VAV2: variants seen among roughly 807,000 people sequenced by gnomAD.
The protein encoded by VAV2 is guanine nucleotide exchange factor VAV2.
A neutral mutation model predicts 132.5 loss-of-function variants in VAV2; 67 were observed. The observed-to-expected ratio is 0.51, with a 90% CI of 0.42 to 0.62. The LOEUF is 0.62. Among genes scored for constraint, VAV2 ranks in the 20% least tolerant of loss-of-function variants. The pLI, the probability that VAV2 is intolerant of heterozygous loss-of-function variation, is 0.00. For synonymous variants in VAV2, 492 were observed against 443.5 expected (o/e 1.11, Z -1.37); for missense variants, 938 against 1,153.6 (o/e 0.81, Z 2.71).
At chr9:133,809,457 T>G (rs1220372223) in intron 6 of VAV2, among the ~76,000 whole-genome samples, 1 of 152,186 alleles carries the variant, frequency 6.6e-6, no homozygotes, top group Non-Finnish European at 1.5e-5. Context: ...TTCACCAGAC[T>G]GGGGTGAGGG....
At position 133,905,064 on chromosome 9, in the gene VAV2, G is replaced by GA. The variant is rs3837291; in HGVS notation, c.321+34038_321+34039insT. ...ACGTGGAGGCTTCTCCCAGGGCGGGGGGCTCTGAGCAGCTGCCCTGTGCAA... is the reference window on the plus strand; with the variant it reads ...ACGTGGAGGCTTCTCCCAGGGCGGGGAGGCTCTGAGCAGCTGCCCTGTGCAA... On this transcript the variant is annotated intron_variant, in intron 2 of 29. Coordinates refer to ENST00000371850, the MANE Select transcript of VAV2 (RefSeq NM_001134398.2). 1.1e-3 allele frequency among the ~76,000 whole-genome samples: 161 copies of GA among 152,214 alleles called. 3 individuals carry two copies. In the East Asian group the frequency reaches 0.029, roughly 27 times the overall value.
intron 2 of VAV2, among the ~76,000 whole-genome samples, chr9:133,892,821 G>T (rs781083683): frequency 3.3e-5 from 5 of 152,192 alleles, no homozygotes; most frequent in African/African-American, 1.2e-4. Flanking sequence ...GACGAGAAAA[G>T]CGGACCTGGC....
At chr9:133,985,821 T>C (rs1842841948) in intron 1 of VAV2, among the ~76,000 whole-genome samples, 1 of 152,146 alleles carries the variant, frequency 6.6e-6, no homozygotes, top group Non-Finnish European at 1.5e-5. Context: ...CAGTTCCCAC[T>C]GGTCAAACCT....
chr9:133,947,230 C>T (rs1470811694), intron 1 of VAV2, among the ~76,000 whole-genome samples: 1 of 152,172 alleles, frequency 6.6e-6, no homozygotes. Context: ...GGTCTGGCCT[C>T]GACCCCTTAT....
chr9:133,785,957 T>C, intron 16 of VAV2, 72 bp from the exon 17 acceptor site: 1 of 1,366,836 alleles, frequency 7.3e-7, no homozygotes, highest in Non-Finnish European at 1.0e-6. Context: ...CCACGTGTAC[T>C]CTCGCCTGTG....
intron 3 of VAV2, among the ~76,000 whole-genome samples, chr9:133,853,053 T>G (rs1315052118): frequency 6.6e-6 from 1 of 152,066 alleles, no homozygotes; most frequent in Non-Finnish European, 1.5e-5. Context: ...ATCCCAGGTC[T>G]AGGAGGTGGC....
chr9:133,912,892 C>A lies in VAV2; in HGVS notation c.321+26211G>T, dbSNP rs1480951958. On this transcript the variant is annotated intron_variant, in intron 2 of 29. Transcript: ENST00000371850. This position sits in a 1 kb window ranked among gnomAD's most constrained non-coding sequence, Gnocchi z 4.3. Reference sequence around the variant, plus strand: ...TAGCTTCTATTCATCAGAATCAGGGCTCCTGATCCTGGTGACTTTAAGGAG... The same window carrying A: ...TAGCTTCTATTCATCAGAATCAGGGATCCTGATCCTGGTGACTTTAAGGAG... Among the ~76,000 whole-genome samples, 2 of 152,204 alleles carry A rather than the reference C, an allele frequency of 1.3e-5. No homozygotes were observed. Among genetic ancestry groups the A allele is most frequent in the African/African-American group, 4.8e-5 (2 of 41,448 alleles).
At chr9:133,891,808 A>AGAGGGACGGAGGG (rs1564441365) in intron 2 of VAV2, among the ~76,000 whole-genome samples, 1 of 6,510 alleles carries the variant, frequency 1.5e-4, no homozygotes, top group Non-Finnish European at 2.9e-4. Context: ...GGAGGGAGGG[A>AGAGGGACGGAGGG]GAGGGATGGA....
intron 1 of VAV2, among the ~76,000 whole-genome samples, chr9:133,945,435 G>A (rs1247051179): frequency 3.3e-5 from 5 of 152,176 alleles, no homozygotes; most frequent in South Asian, 2.1e-4. Context: ...GCACGCATGC[G>A]CCATTTCACA....
intron 3 of VAV2, among the ~76,000 whole-genome samples, chr9:133,854,188 GCA>G (rs771343415): frequency 2.1e-5 from 3 of 145,716 alleles, no homozygotes; most frequent in Middle Eastern, 3.6e-3. Context: ...CCATGTACCT[GCA>G]CACACACAAA....
chr9:133,814,319 G>T (rs183859510), intron 4 of VAV2, among the ~76,000 whole-genome samples: 1 of 152,222 alleles, frequency 6.6e-6, no homozygotes, highest in Non-Finnish European at 1.5e-5. Flanking sequence ...CTCTCTGCCC[G>T]CCAGGCTACC....
At chr9:133,987,257 G>A (rs1380837607) in intron 1 of VAV2, among the ~76,000 whole-genome samples, 1 of 152,106 alleles carries the variant, frequency 6.6e-6, no homozygotes, top group Non-Finnish European at 1.5e-5. Context: ...AGGGTATCGT[G>A]TGATGAAACA....
intron 4 of VAV2, among the ~76,000 whole-genome samples, chr9:133,814,910 C>G (rs933279823): frequency 6.6e-6 from 1 of 152,288 alleles, no homozygotes; most frequent in African/African-American, 2.4e-5. Context: ...ATCCTTCACT[C>G]GTGCCTCCCA....
intron 3 of VAV2, among the ~76,000 whole-genome samples, chr9:133,846,186 A>G (rs751423123): frequency 4.6e-5 from 7 of 152,204 alleles, no homozygotes; most frequent in Non-Finnish European, 7.4e-5. Context: ...GGCCAGCCAG[A>G]AAGTGGCAGA....
In VAV2 at chr9:133,826,623, C is replaced by T. The variant is rs112202646; in HGVS notation, c.449+7649G>A. ...TCTAGCAGCACACTCTGGGAAGAGG[C>T]TCCAGGTCCAACCACCCCTCCCCCA... On this transcript the variant is annotated intron_variant, in intron 4 of 29. Coordinates refer to ENST00000371850, the MANE Select transcript of VAV2 (RefSeq NM_001134398.2). This position sits in a 1 kb window ranked among gnomAD's most constrained non-coding sequence, Gnocchi z 4.2. 3.3e-3 allele frequency among the ~76,000 whole-genome samples: 503 copies of T among 152,316 alleles called. 3 individuals are homozygous for T. The highest frequency in any genetic ancestry group is 0.012 in the African/African-American group (479 of 41,566).
At chr9:133,921,971 C>T (rs1272465473) in intron 2 of VAV2, among the ~76,000 whole-genome samples, 2 of 152,364 alleles carry the variant, frequency 1.3e-5, no homozygotes, top group Non-Finnish European at 2.9e-5. Context: ...TTCCCGGCAC[C>T]GGCAGGGCGA....
chr9:133,952,709 C>A (rs767661236), intron 1 of VAV2, among the ~76,000 whole-genome samples: 1 of 152,160 alleles, frequency 6.6e-6, no homozygotes, highest in South Asian at 2.1e-4. Flanking sequence ...AGACAAGAGG[C>A]CGTGTGACGA....
rs372198205 is a variant in VAV2, at chr9:133,794,433, C to A, written c.1101+1235G>T. 1.3e-5 allele frequency among the ~76,000 whole-genome samples: 2 copies of A among 152,196 alleles called. No individual in the cohort carries two copies. The highest frequency in any genetic ancestry group is 4.8e-5 in the African/African-American group (2 of 41,444). ...ACAGGATTTGGAGTAAATTTCTCCC[C>A]GAGCACAAGCCCTGCTCAGAGAACC... On this transcript the variant is annotated intron_variant, in intron 12 of 29. Coordinates refer to ENST00000371850, the MANE Select transcript of VAV2 (RefSeq NM_001134398.2). This position sits in a 1 kb window ranked among gnomAD's most constrained non-coding sequence, Gnocchi z 4.6.
chr9:133,950,433 T>A (rs636541), intron 1 of VAV2, among the ~76,000 whole-genome samples: 62,587 of 151,796 alleles, frequency 0.41, 12,956 homozygotes, highest in Non-Finnish European at 0.42. Flanking sequence ...CTGAGAGAGG[T>A]CTCAGCTTTC....
Sources: allele counts gnomAD v4.1 joint callset (sites outside exome capture counted in the v4.1 genomes callset), GRCh38; gene constraint gnomAD v4.1.1; non-coding constraint Gnocchi (gnomAD v3.1); transcripts MANE v1.5; gene names NCBI Gene and HGNC (gene_info 2026-07-23, HGNC 2026-07-21).